ABI2: variants seen among roughly 807,000 people sequenced by gnomAD.
ABI2 encodes abelson interactor 2.
A neutral mutation model predicts 59.2 loss-of-function variants in ABI2; 25 were observed. That is an observed-to-expected ratio of 0.42 (90% CI 0.31 to 0.59). The LOEUF is 0.59. Among genes scored for constraint, ABI2 ranks in the 20% least tolerant of loss-of-function variants. ABI2 has a pLI of 0.14. For synonymous variants in ABI2, 213 were observed against 235.5 expected (o/e 0.90, Z 0.87); for missense variants, 545 against 681.8 (o/e 0.80, Z 2.23).
chr2:203,367,390 G>C (rs2094557761), intron 2 of ABI2: 1 of 157,162 alleles, frequency 6.4e-6, no homozygotes, highest in African/African-American at 2.4e-5. Context: ...TGATAGATTG[G>C]TGGCTTGTTC....
chr2:203,423,712 C>T (rs191020218), intron 11 of ABI2, among the ~76,000 whole-genome samples: 77 of 152,238 alleles, frequency 5.1e-4, no homozygotes, highest in Non-Finnish European at 9.7e-4. Flanking sequence ...TGAGCCACCG[C>T]GCCCAGCCCA....
rs34530204 is a variant in ABI2 at position 203,426,019 on chromosome 2, C to CAAA, written c.1454-1142_1454-1140dup. Among the ~76,000 whole-genome samples, 17 of 85,514 alleles carry CAAA rather than the reference C, an allele frequency of 2.0e-4. No individual in the cohort carries two copies. In the East Asian group the frequency reaches 4.0e-3, roughly 20 times the overall value. The allele number at this position is 85,514 out of a possible 152,430, so 56.1% of individuals were successfully genotyped here. A position where few individuals can be genotyped will look rare whatever the true frequency, so the allele number is the denominator to read the frequency against. On this transcript the variant is annotated intron_variant, in intron 11 of 11. Coordinates refer to ENST00000261018, the MANE Select transcript of ABI2 (RefSeq NM_001375670.1). ...CTGGGCGATAAGAGTGAGACTGTCT[C>CAAA]AAAAAAAAAAAAAAAAAATTCTGGT...
chr2:203,339,876 C>T (rs2078866718), intron 1 of ABI2, among the ~76,000 whole-genome samples: 1 of 152,182 alleles, frequency 6.6e-6, no homozygotes, highest in African/African-American at 2.4e-5. Context: ...CCCAAATCTG[C>T]ATATACTCAA....
At chr2:203,395,448 T>TATACACACACACACACAC (rs750379504) in intron 6 of ABI2, among the ~76,000 whole-genome samples, 9 of 115,314 alleles carry the variant, frequency 7.8e-5, no homozygotes, top group South Asian at 3.3e-4. Context: ...TATATATATA[T>TATACACACACACACACAC]ACACACACAC....
At chr2:203,423,762 T>C (rs1277105884) in intron 11 of ABI2, among the ~76,000 whole-genome samples, 1 of 152,198 alleles carries the variant, frequency 6.6e-6, no homozygotes, top group African/African-American at 2.4e-5. Context: ...CATTATTCTT[T>C]GCTTATCTTT....
chr2:203,415,616 CAAAAAAAAA>C (rs71007515), intron 10 of ABI2, among the ~76,000 whole-genome samples: 9,181 of 42,308 alleles, frequency 0.22, 445 homozygotes, highest in African/African-American at 0.33. Flanking sequence ...GACTCCGTCT[CAAAAAAAAA>C]AAAAAAAAAA....
In ABI2 at chr2:203,404,547, G is replaced by C. The variant is rs114758550; in HGVS notation, c.1192+1813G>C. Among the ~76,000 whole-genome samples the C allele has an allele frequency of 9.6e-3, 1,459 of 152,024 alleles. 10 individuals carry two copies. The highest frequency in any genetic ancestry group is 0.017 in the Non-Finnish European group (1,132 of 67,980). ...CGGGATTACAGGTACCTGCCACCAC[G>C]CCTGGCTAATTTTTGTTTTGTTTTG... is the stretch of plus-strand genomic sequence containing the variant. On this transcript the variant is annotated intron_variant, in intron 9 of 11. Transcript: ENST00000261018.
chr2:203,398,757 T>C lies in ABI2; in HGVS notation c.1033+1790T>C, dbSNP rs557351682. Among the ~76,000 whole-genome samples the C allele has an allele frequency of 7.0e-4, 107 of 152,296 alleles. 1 individual carries two copies. The highest frequency in any genetic ancestry group is 2.3e-3 in the African/African-American group (95 of 41,564). On this transcript the variant is annotated intron_variant, in intron 8 of 11. Coordinates refer to ENST00000261018, the MANE Select transcript of ABI2 (RefSeq NM_001375670.1). The stretch of plus-strand genomic sequence containing the variant: ...TGGTAAGCCCTTGATGTGTTTTTTT[T>C]CTCTAAAGTTGTGCCTTTTTAAGTA...
intron 8 of ABI2, among the ~76,000 whole-genome samples, chr2:203,400,478 T>C (rs564226826): frequency 9.2e-5 from 14 of 152,340 alleles, no homozygotes; most frequent in African/African-American, 3.1e-4. Context: ...TTTGTATTAG[T>C]TTGCTATAGA....
chr2:203,360,656 A>G (rs2093360607), intron 1 of ABI2, among the ~76,000 whole-genome samples: 2 of 152,238 alleles, frequency 1.3e-5, no homozygotes, highest in Non-Finnish European at 1.5e-5. Flanking sequence ...ACGTTTGCCT[A>G]GAGATCAGTC....
At chr2:203,350,043 A>G (rs2086697360) in intron 1 of ABI2, among the ~76,000 whole-genome samples, 1 of 152,078 alleles carries the variant, frequency 6.6e-6, no homozygotes, top group Non-Finnish European at 1.5e-5. Flanking sequence ...GTTTCTCCAC[A>G]TTGTTGTCAG....
At chr2:203,375,965 G>A in intron 2 of ABI2, 1 of 992,288 alleles carries the variant, frequency 1.0e-6, no homozygotes, top group Non-Finnish European at 1.5e-6. Flanking sequence ...GTGGTAGTAT[G>A]ATGGCAAGAA....
chr2:203,372,073 C>T (rs928201126), intron 2 of ABI2, among the ~76,000 whole-genome samples: 59 of 151,840 alleles, frequency 3.9e-4, no homozygotes, highest in East Asian at 1.9e-4. Context: ...GAGGACCCTG[C>T]GGCCTTCCGC....
chr2:203,349,178 A>G (rs1160367032), intron 1 of ABI2, among the ~76,000 whole-genome samples: 3 of 151,846 alleles, frequency 2.0e-5, no homozygotes, highest in Non-Finnish European at 4.4e-5. Flanking sequence ...CTGAACTCAA[A>G]CAGTCTGCCT....
At chr2:203,372,524 A>T (rs1254457872) in intron 2 of ABI2, among the ~76,000 whole-genome samples, 1 of 148,808 alleles carries the variant, frequency 6.7e-6, no homozygotes, top group Non-Finnish European at 1.5e-5. Context: ...GGCGCCCCTC[A>T]TCTCCCAGAC....
At chr2:203,378,108 C>A (rs547668082) in intron 2 of ABI2, among the ~76,000 whole-genome samples, 46 of 150,650 alleles carry the variant, frequency 3.1e-4, no homozygotes, top group Non-Finnish European at 5.2e-4. Flanking sequence ...TTTTCTTTTT[C>A]TTTTCTTTTC....
rs997669056 is a variant in ABI2 at position 203,428,125 on chromosome 2, G to C, written c.*773G>C. 3 of 152,272 alleles carry C rather than the reference G, an allele frequency of 2.0e-5. No individual in the cohort carries two copies. Among genetic ancestry groups the C allele is most frequent in the African/African-American group, 7.2e-5 (3 of 41,432 alleles). 9.4% of individuals were successfully genotyped at this position (152,272 alleles called of 1,614,324 possible). ...CCCAGATGTGAAGTGTGGTAGGCTG[G>C]TTCATATGTGGAGGTGGGTGTGTGA... On this transcript the variant is annotated 3_prime_UTR_variant, in exon 12 of 12. Transcript: ENST00000261018.
intron 7 of ABI2, 139 bp downstream of exon 7, chr2:203,395,919 G>A: frequency 9.5e-7 from 1 of 1,051,086 alleles, no homozygotes; most frequent in South Asian, 2.0e-5. Context: ...CTATATATTT[G>A]TTATTTGTAA....
chr2:203,340,235 G>T (rs963597872), intron 1 of ABI2, among the ~76,000 whole-genome samples: 1 of 152,242 alleles, frequency 6.6e-6, no homozygotes, highest in African/African-American at 2.4e-5. Context: ...CCGTTGGGAG[G>T]TGGGGAGAAA....
Sources: gnomAD v4.1 joint callset for allele counts (sites outside exome capture counted in the v4.1 genomes callset) on GRCh38, gnomAD v4.1.1 for gene constraint, MANE v1.5 for transcripts, NCBI Gene and HGNC (gene_info 2026-07-23, HGNC 2026-07-21) for gene names.